The following INTS10 variants were observed in gnomAD, a reference collection of about 807,000 sequenced individuals.
INTS10 encodes integrator complex subunit 10, also known as chromosome 8 open reading frame 35.
Under a neutral mutation model 94.4 loss-of-function variants are expected in INTS10, and 44 were observed. The ratio of observed to expected loss-of-function variants is 0.47; its 90% confidence interval spans 0.37 to 0.60. The LOEUF is 0.60. Among genes scored for constraint, INTS10 ranks in the 20% least tolerant of loss-of-function variants. INTS10 has a pLI of 0.00. For synonymous variants in INTS10, 341 were observed against 320.7 expected, an observed-to-expected ratio of 1.06 and a Z score of -0.68; for missense variants, 797 against 868.7, an observed-to-expected ratio of 0.92 and a Z score of 1.04.
chr8:19,845,743 A>G lies in INTS10; in HGVS notation c.1922A>G (p.Gln641Arg). Residue 641 changes from glutamine to arginine, a missense_variant, in exon 16 of 17, where the codon CAG becomes CGG. Transcript: ENST00000397977. ...MLEEFAYLRTQEGGKIHLELL... is the reference protein window; with the variant it reads ...MLEEFAYLRTREGGKIHLELL... ...GAGGAATTTGCCTACTTGAGAACTC[A>G]GGAAGGTGGGAAAATTCATCTGGAA... The G allele has an allele frequency of 5.0e-6, 8 of 1,613,976 alleles. No individual in the cohort carries two copies. The highest frequency in any genetic ancestry group is 5.9e-6 in the Non-Finnish European group (7 of 1,179,840).
chr8:19,832,076 TA>T lies in INTS10; in HGVS notation c.1345del (p.Arg449GlufsTer7). On this transcript the variant is annotated frameshift_variant, in exon 11 of 17. Transcript: ENST00000397977. LOFTEE classifies it high-confidence loss of function. The stretch of plus-strand genomic sequence containing the variant: ...TGGAAGACGGATACTTGGCTTTGGT[TA>T]AGAATCTTCCTCACTGATATGATCA... ...LAWKTDTWLW[L>X]RIFLTDMIIY... 1 of 1,604,836 alleles carries T rather than the reference TA, an allele frequency of 6.2e-7. No individual in the cohort carries two copies. Among genetic ancestry groups the T allele is most frequent in the Non-Finnish European group, 8.5e-7 (1 of 1,171,412 alleles).
intron 15 of INTS10, 173 bp from the exon 16 acceptor site, chr8:19,845,531 A>G (rs1368323985): frequency 5.5e-5 from 33 of 603,384 alleles, no homozygotes; most frequent in East Asian, 5.3e-4. Flanking sequence ...TTAGTGGGGT[A>G]GCAATGGGCA....
Position 19,851,078 on chromosome 8 carries a change from C to G in INTS10, c.1977-571C>G, listed in dbSNP as rs1050052671. Among the ~76,000 whole-genome samples the G allele has an allele frequency of 6.6e-6, 1 of 152,200 alleles. No individual in the cohort carries two copies. The highest frequency in any genetic ancestry group is 1.5e-5 in the Non-Finnish European group (1 of 68,036). On this transcript the variant is annotated intron_variant, in intron 16 of 16. Coordinates refer to ENST00000397977, the MANE Select transcript of INTS10 (RefSeq NM_018142.4). The surrounding 1 kb of genome is among the most constrained non-coding windows in gnomAD (Gnocchi z 5.0). ...CAACATATGAGAGTCTAGATGGGCA[C>G]AGCATTTAGAGGAGCTGCCCTATTC...
At position 19,822,937 on chromosome 8, in the gene INTS10, A is replaced by G. The variant is rs912266739; in HGVS notation, c.524-364A>G. Among the ~76,000 whole-genome samples the G allele has an allele frequency of 2.7e-5, 4 of 149,562 alleles. No homozygotes were observed. In the Admixed American group the frequency reaches 2.7e-4, roughly 10 times the overall value. Reference sequence around the variant, plus strand: ...TGTACTCCAACCTGGTGACTGAGTGAGACTCTGTCTCAAAAAAAAAAAAAG... The same window carrying G: ...TGTACTCCAACCTGGTGACTGAGTGGGACTCTGTCTCAAAAAAAAAAAAAG... On this transcript the variant is annotated intron_variant, in intron 5 of 16. Transcript: ENST00000397977.
At chr8:19,845,876 T>C in intron 16 of INTS10, 79 bp downstream of exon 16, 1 of 929,492 alleles carries the variant, frequency 1.1e-6, no homozygotes, top group Non-Finnish European at 1.7e-6. Context: ...TAAATGTCTA[T>C]ACCTATCAAA....
Position 19,824,960 on chromosome 8 carries a change from T to G in INTS10, c.994T>G (p.Ser332Ala), listed in dbSNP as rs2066676038. Reference protein sequence around the residue: ...AFQYVNSIQPSLFQGPNAPSQ... With the variant: ...AFQYVNSIQPALFQGPNAPSQ... Reference sequence around the variant, plus strand: ...CCAGTATGTCAACAGCATACAGCCATCTCTCTTCCAAGGTTGGTTTACAAA... The same window carrying G: ...CCAGTATGTCAACAGCATACAGCCAGCTCTCTTCCAAGGTTGGTTTACAAA... Residue 332 changes from serine (S) to alanine (A), a missense_variant, in exon 8 of 17, where the codon TCT becomes GCT. Physicochemically the swap from Ser to Ala is moderately conservative, Grantham distance 99. Transcript: ENST00000397977. 1 of 1,613,598 alleles carries G rather than the reference T, an allele frequency of 6.2e-7. No homozygotes were observed. Among genetic ancestry groups the G allele is most frequent in the Non-Finnish European group, 8.5e-7 (1 of 1,179,868 alleles).
At chr8:19,848,398 T>C (rs925720512) in intron 16 of INTS10, among the ~76,000 whole-genome samples, 2 of 152,172 alleles carry the variant, frequency 1.3e-5, no homozygotes, top group Non-Finnish European at 2.9e-5. Flanking sequence ...ATACAGACCT[T>C]TTGCTCTTAA....
In INTS10 at chr8:19,817,483, T is replaced by G. The variant is rs905781214; in HGVS notation, c.-55T>G. On this transcript the variant is annotated 5_prime_UTR_variant, in exon 1 of 17. Transcript: ENST00000397977. ...CGGTGGCTGCCGTGGCGGCTGAGAGTCCAGAGCCGGACGTTCCGGCCGCTT... is the reference window on the plus strand; with the variant it reads ...CGGTGGCTGCCGTGGCGGCTGAGAGGCCAGAGCCGGACGTTCCGGCCGCTT... 8.3e-6 allele frequency: 13 copies of G among 1,573,878 alleles called. No individual in the cohort carries two copies. Among genetic ancestry groups the G allele is most frequent in the African/African-American group, 8.1e-5 (6 of 74,044 alleles).
intron 13 of INTS10, among the ~76,000 whole-genome samples, chr8:19,840,330 T>C (rs1438059168): frequency 1.3e-5 from 2 of 152,192 alleles, no homozygotes; most frequent in African/African-American, 2.4e-5. Context: ...AGATTCAATA[T>C]TATTATGGTG....
chr8:19,818,218 G>T, intron 1 of INTS10, 57 bp from the exon 2 acceptor site: 1 of 1,550,966 alleles, frequency 6.4e-7, no homozygotes, highest in South Asian at 1.1e-5. Context: ...GATGCTGGAT[G>T]AGCTGGGAGC....
chr8:19,831,949 C>T lies in INTS10; in HGVS notation c.1295-79C>T, dbSNP rs960448491. Reference sequence around the variant, plus strand: ...ATTTTTGGTAGGTTGTCTCTCTTCTCTCTTACTGGATTTGTTAGTTTGTTT... The same window carrying T: ...ATTTTTGGTAGGTTGTCTCTCTTCTTTCTTACTGGATTTGTTAGTTTGTTT... On this transcript the variant is annotated intron_variant, in intron 10 of 16. Coordinates refer to ENST00000397977, the MANE Select transcript of INTS10 (RefSeq NM_018142.4). 2.6e-4 allele frequency: 217 copies of T among 843,240 alleles called. 1 individual carries two copies. Among genetic ancestry groups the T allele is most frequent in the South Asian group, 1.0e-3 (75 of 74,428 alleles). The allele number at this position is 843,240 out of a possible 1,614,324, so 52.2% of individuals were successfully genotyped here.
At chr8:19,830,372 T>C in intron 9 of INTS10, 34 bp from the exon 10 acceptor site, 1 of 1,581,478 alleles carries the variant, frequency 6.3e-7, no homozygotes, top group Non-Finnish European at 8.6e-7. Context: ...TATTTATAAC[T>C]GAATTAACCA....
At chr8:19,832,408 C>G (rs2067300796) in intron 11 of INTS10, among the ~76,000 whole-genome samples, 1 of 151,974 alleles carries the variant, frequency 6.6e-6, no homozygotes, top group Non-Finnish European at 1.5e-5. Flanking sequence ...CCTGTCTCTA[C>G]AAAATAAAAA....
In INTS10 at chr8:19,845,733, T is replaced by G. The variant is rs763155406; in HGVS notation, c.1912T>G (p.Leu638Val). Reference protein sequence around the residue: ...NIDMLEEFAYLRTQEGGKIHL... With the variant: ...NIDMLEEFAYVRTQEGGKIHL... ...TGATATGCTGGAGGAATTTGCCTAC[T>G]TGAGAACTCAGGAAGGTGGGAAAAT... Residue 638 changes from leucine (L) to valine (V), a missense_variant, in exon 16 of 17, where the codon TTG becomes GTG. Leu to Val is a conservative substitution (Grantham distance 32). Transcript: ENST00000397977. 1 of 1,613,878 alleles carries G rather than the reference T, an allele frequency of 6.2e-7. No homozygotes were observed. The highest frequency in any genetic ancestry group is 8.5e-7 in the Non-Finnish European group (1 of 1,179,740).
At chr8:19,820,334 T>C (rs1456246267) in intron 3 of INTS10, 45 bp from the exon 4 acceptor site, 3 of 1,576,988 alleles carry the variant, frequency 1.9e-6, no homozygotes, top group Non-Finnish European at 2.6e-6. Context: ...CTGCAGTCTT[T>C]TCTGTCCGCA....
chr8:19,837,146 C>T lies in INTS10; in HGVS notation c.1625C>T (p.Pro542Leu), dbSNP rs1268047616. The change falls in exon 13 of 17, where the codon CCC (proline) becomes CTC (leucine). Residue 542 changes from proline (P) to leucine (L), a missense_variant. Transcript: ENST00000397977. Reference sequence around the variant, plus strand: ...CAGGAGGAACCCTCGAAAGTAAAGCCCAAATTTAGAAAAGGTACAGTGACA... The same window carrying T: ...CAGGAGGAACCCTCGAAAGTAAAGCTCAAATTTAGAAAAGGTACAGTGACA... ...KSQEEPSKVK[P>L]KFRKGSDLKL... The T allele has an allele frequency of 2.5e-6, 4 of 1,605,430 alleles. No individual in the cohort carries two copies. Among genetic ancestry groups the T allele is most frequent in the Non-Finnish European group, 3.4e-6 (4 of 1,172,188 alleles).
chr8:19,841,740 T>C (rs2068141609), intron 13 of INTS10: 1 of 444,230 alleles, frequency 2.3e-6, no homozygotes, highest in African/African-American at 2.0e-5. Flanking sequence ...AAGTTGAACA[T>C]GTCATTACCT....
At chr8:19,834,142 A>G (rs1049266956) in intron 12 of INTS10, among the ~76,000 whole-genome samples, 6 of 152,176 alleles carry the variant, frequency 3.9e-5, no homozygotes, top group Non-Finnish European at 8.8e-5. Flanking sequence ...CATGACACCT[A>G]CCACAGTACA....
At position 19,843,941 on chromosome 8, in the gene INTS10, G is replaced by T. The variant is rs997582624; in HGVS notation, c.1720-135G>T. The T allele has an allele frequency of 1.6e-6, 1 of 627,096 alleles. No individual in the cohort carries two copies. Among genetic ancestry groups the T allele is most frequent in the Admixed American group, 3.3e-5 (1 of 30,302 alleles). The allele number at this position is 627,096 out of a possible 1,614,324, so 38.8% of individuals were successfully genotyped here. A position where few individuals can be genotyped will look rare whatever the true frequency, so the allele number is the denominator to read the frequency against. The stretch of plus-strand genomic sequence containing the variant: ...TTACCAGCCATTTCGTTGTGCCTTT[G>T]TTTCCTTCTTACTCTAATGACGTTT... On this transcript the variant is annotated intron_variant, in intron 14 of 16. Coordinates refer to ENST00000397977, the MANE Select transcript of INTS10 (RefSeq NM_018142.4). This position sits in a 1 kb window ranked among gnomAD's most constrained non-coding sequence, Gnocchi z 4.7.
Sources: allele counts gnomAD v4.1 joint callset (sites outside exome capture counted in the v4.1 genomes callset), GRCh38; gene constraint gnomAD v4.1.1; non-coding constraint Gnocchi (gnomAD v3.1); transcripts MANE v1.5; gene names NCBI Gene and HGNC (gene_info 2026-07-23, HGNC 2026-07-21).